Variants in EYS observed in about 807,000 individuals in gnomAD.
The protein encoded by EYS is EGF-like photoreceptor maintenance factor.
A neutral mutation model predicts 282.1 loss-of-function variants in EYS; 250 were observed. The observed-to-expected ratio is 0.89, with a 90% CI of 0.80 to 0.98. The LOEUF (loss-of-function observed/expected upper bound fraction) is 0.98, where lower values mean the gene tolerates loss of function less well. EYS is among the 50% of genes least tolerant of loss of function. The pLI, the probability that EYS is intolerant of heterozygous loss-of-function variation, is 0.00. For synonymous variants in EYS, 1,355 were observed against 1,282.9 expected (o/e 1.06, Z -1.20); for missense variants, 4,016 against 3,709.0 (o/e 1.08, Z -2.15).
intron 12 of EYS, among the ~76,000 whole-genome samples, chr6:65,255,639 A>G (rs979976467): frequency 3.3e-5 from 5 of 152,052 alleles, no homozygotes; most frequent in African/African-American, 9.7e-5. Flanking sequence ...TCCAGAATAT[A>G]TAAGGAGCTC....
At chr6:64,538,622 G>T (rs1248072904) in intron 26 of EYS, among the ~76,000 whole-genome samples, 2 of 152,082 alleles carry the variant, frequency 1.3e-5, no homozygotes, top group Non-Finnish European at 2.9e-5. Flanking sequence ...AAGGCCAGTG[G>T]TGATAGTGTT....
chr6:64,816,466 G>T (rs1764743500), intron 21 of EYS, among the ~76,000 whole-genome samples: 1 of 152,020 alleles, frequency 6.6e-6, no homozygotes, highest in South Asian at 2.1e-4. Flanking sequence ...AAAAGGAAAT[G>T]CAACTTCTCT....
chr6:63,860,977 A>G (rs918124601), intron 36 of EYS, among the ~76,000 whole-genome samples: 3 of 152,060 alleles, frequency 2.0e-5, no homozygotes, highest in African/African-American at 7.2e-5. Flanking sequence ...GACAATCTAC[A>G]ATTCTGTGGT....
At chr6:65,109,323 C>T (rs749978597) in intron 12 of EYS, among the ~76,000 whole-genome samples, 41 of 152,020 alleles carry the variant, frequency 2.7e-4, no homozygotes, top group Admixed American at 1.0e-3. Context: ...TATATTATAG[C>T]TATTATAAAA....
chr6:65,250,836 T>TA, intron 12 of EYS, among the ~76,000 whole-genome samples: 2 of 151,780 alleles, frequency 1.3e-5, no homozygotes, highest in Admixed American at 1.3e-4. Context: ...AAAATTAATC[T>TA]ACCGTAAGTT....
At chr6:65,354,200 C>T (rs1009511733) in intron 8 of EYS, among the ~76,000 whole-genome samples, 1 of 152,002 alleles carries the variant, frequency 6.6e-6, no homozygotes, top group African/African-American at 2.4e-5. Context: ...GTACATGCTG[C>T]GCTACTTAGG....
intron 12 of EYS, among the ~76,000 whole-genome samples, chr6:65,091,781 T>C (rs75066742): frequency 0.024 from 3,688 of 152,180 alleles, 111 homozygotes; most frequent in African/African-American, 0.071. Flanking sequence ...ATGCACTACA[T>C]AATTACATTT....
intron 33 of EYS, among the ~76,000 whole-genome samples, chr6:64,039,704 A>G (rs1272352680): frequency 1.3e-5 from 2 of 152,202 alleles, no homozygotes; most frequent in Admixed American, 6.5e-5. Flanking sequence ...TATTTATGAA[A>G]TGAATGTGTG....
intron 30 of EYS, among the ~76,000 whole-genome samples, chr6:64,260,444 A>C (rs1767549920): frequency 6.6e-6 from 1 of 152,102 alleles, no homozygotes; most frequent in African/African-American, 2.4e-5. Context: ...AGTAGTTCTT[A>C]TACCTCTTTG....
intron 13 of EYS, among the ~76,000 whole-genome samples, chr6:65,029,377 G>T (rs186554677): frequency 5.3e-5 from 8 of 151,982 alleles, no homozygotes; most frequent in Admixed American, 5.2e-4. Context: ...ACATTTATAT[G>T]CAGATACGTA....
chr6:64,978,156 T>C (rs1253165401), intron 14 of EYS, among the ~76,000 whole-genome samples: 1 of 151,868 alleles, frequency 6.6e-6, no homozygotes, highest in Admixed American at 6.6e-5. Flanking sequence ...AGAGGAGATG[T>C]CAATGCCTGA....
intron 33 of EYS, among the ~76,000 whole-genome samples, chr6:64,029,694 G>A (rs1769724331): frequency 6.6e-6 from 1 of 152,210 alleles, no homozygotes; most frequent in Admixed American, 6.5e-5. Flanking sequence ...TGTGGAGAAT[G>A]GGATACGAAG....
intron 13 of EYS, among the ~76,000 whole-genome samples, chr6:65,006,818 TC>T (rs1771680751): frequency 6.6e-6 from 1 of 152,190 alleles, no homozygotes; most frequent in African/African-American, 2.4e-5. Context: ...ATAATTGGTC[TC>T]CTCAAAGGTG....
chr6:65,180,312 G>A lies in EYS; in HGVS notation c.2023+115551C>T, dbSNP rs568973207. Among the ~76,000 whole-genome samples the A allele has an allele frequency of 1.6e-3, 249 of 152,118 alleles. 4 individuals are homozygous for A. Among genetic ancestry groups the A allele is most frequent in the Middle Eastern group, 6.8e-3 (2 of 294 alleles). On this transcript the variant is annotated intron_variant, in intron 12 of 42. Coordinates refer to ENST00000503581, the MANE Select transcript of EYS (RefSeq NM_001142800.2). ...GATTGTATATCTAGAAAACCCCATG[G>A]TCTCAGCCCAAAGTCTCCTTAAGCT... is the stretch of plus-strand genomic sequence containing the variant.
chr6:65,293,451 T>C (rs986665411), intron 12 of EYS, among the ~76,000 whole-genome samples: 2 of 151,804 alleles, frequency 1.3e-5, no homozygotes, highest in African/African-American at 2.4e-5. Flanking sequence ...CTCAAGCATA[T>C]GGCCTTACCA....
At chr6:65,662,553 C>T (rs1014923822) in intron 1 of EYS, among the ~76,000 whole-genome samples, 1 of 152,126 alleles carries the variant, frequency 6.6e-6, no homozygotes, top group African/African-American at 2.4e-5. Context: ...TTTTAATCTA[C>T]CATAAAATTG....
At chr6:64,665,301 GAAATGATAA>G (rs1280386751) in intron 22 of EYS, among the ~76,000 whole-genome samples, 1 of 152,158 alleles carries the variant, frequency 6.6e-6, no homozygotes, top group Non-Finnish European at 1.5e-5. Flanking sequence ...GAGTGAAGTA[GAAATGATAA>G]AAATAAAACA....
rs535226240 is a variant in EYS at position 63,857,699 on chromosome 6, G to A, written c.7228+6487C>T. On this transcript the variant is annotated intron_variant, in intron 36 of 42. Coordinates refer to ENST00000503581, the MANE Select transcript of EYS (RefSeq NM_001142800.2). ...CTTGTTTGCCAATAAGTTTGATGTG[G>A]ATGTTGACCTTTTTGCCATCCAATG... 439 of 424,288 alleles carry A rather than the reference G, an allele frequency of 1.0e-3. 6 individuals are homozygous for A. Among genetic ancestry groups the A allele is most frequent in the South Asian group, 7.0e-3 (373 of 53,474 alleles). 26.3% of individuals were successfully genotyped at this position (424,288 alleles called of 1,614,324 possible). A position where few individuals can be genotyped will look rare whatever the true frequency, so the allele number is the denominator to read the frequency against.
intron 22 of EYS, among the ~76,000 whole-genome samples, chr6:64,756,885 CTTTTT>C (rs5876921): frequency 5.8e-5 from 8 of 137,742 alleles, no homozygotes; most frequent in African/African-American, 2.1e-4. Context: ...AGCATCAGTG[CTTTTT>C]TTTTTTTTTT....
Sources: allele counts gnomAD v4.1 joint callset (sites outside exome capture counted in the v4.1 genomes callset), GRCh38; gene constraint gnomAD v4.1.1; transcripts MANE v1.5; gene names NCBI Gene and HGNC (gene_info 2026-07-23, HGNC 2026-07-21).